Variants in KATNAL2 observed in about 807,000 individuals in gnomAD.
KATNAL2 encodes katanin catalytic subunit A1 like 2.
A neutral mutation model predicts 76.3 loss-of-function variants in KATNAL2; 52 were observed. The observed-to-expected ratio is 0.68, with a 90% CI of 0.55 to 0.86. The LOEUF (loss-of-function observed/expected upper bound fraction) is 0.86, where lower values mean the gene tolerates loss of function less well. Ranked by LOEUF, KATNAL2 falls within the 40% of genes least tolerant of loss-of-function variation. The probability of loss-of-function intolerance (pLI) is 0.00; values close to 1 mark genes in which losing one functional copy is unlikely to be tolerated. For synonymous variants in KATNAL2, 243 were observed against 244.2 expected (o/e 1.00, Z 0.05); for missense variants, 660 against 668.9 (o/e 0.99, Z 0.15).
chr18:47,032,534 A>G, intron 3 of KATNAL2: 1 of 204,210 alleles, frequency 4.9e-6, no homozygotes, highest in Non-Finnish European at 9.9e-6. Context: ...CGATTACAAG[A>G]TCATGCTCAG....
chr18:46,933,565 C>G (rs1199721773), intron 1 of KATNAL2, among the ~76,000 whole-genome samples: 1 of 152,110 alleles, frequency 6.6e-6, no homozygotes, highest in Admixed American at 6.5e-5. Flanking sequence ...AATTCATAGG[C>G]ACCAGGCATA....
At chr18:47,080,135 T>C (rs527341067) in intron 15 of KATNAL2, among the ~76,000 whole-genome samples, 12 of 152,330 alleles carry the variant, frequency 7.9e-5, no homozygotes, top group African/African-American at 1.7e-4. Flanking sequence ...CCCTGAAATA[T>C]AGTTCATACT....
intron 10 of KATNAL2, among the ~76,000 whole-genome samples, chr18:47,064,488 A>C (rs969239911): frequency 9.2e-5 from 14 of 151,946 alleles, no homozygotes; most frequent in Admixed American, 6.6e-5. Flanking sequence ...AGAAGAGGGG[A>C]CCTTAGAAAG....
intron 3 of KATNAL2, among the ~76,000 whole-genome samples, chr18:47,037,617 C>T (rs1451951282): frequency 6.6e-6 from 1 of 151,702 alleles, no homozygotes; most frequent in African/African-American, 2.4e-5. Context: ...CAACTTTATA[C>T]CTTTAATTAA....
chr18:47,069,931 G>A (rs1484894683), intron 13 of KATNAL2, among the ~76,000 whole-genome samples: 1 of 151,972 alleles, frequency 6.6e-6, no homozygotes, highest in Admixed American at 6.6e-5. Context: ...TATTTAACAT[G>A]TACACTATAT....
intron 3 of KATNAL2, among the ~76,000 whole-genome samples, chr18:46,950,572 A>C (rs1237934822): frequency 2.0e-5 from 3 of 152,214 alleles, no homozygotes; most frequent in Admixed American, 2.0e-4. Flanking sequence ...AGTTCAACAA[A>C]ATTTGAAAAA....
intron 3 of KATNAL2, among the ~76,000 whole-genome samples, chr18:47,042,228 G>A (rs1005407546): frequency 6.6e-6 from 1 of 152,086 alleles, no homozygotes. Context: ...ACTTCTGAGA[G>A]CCCTGACTTT....
intron 3 of KATNAL2, among the ~76,000 whole-genome samples, chr18:47,031,448 C>G (rs117292160): frequency 4.0e-5 from 6 of 150,076 alleles, no homozygotes; most frequent in Non-Finnish European, 8.9e-5. Flanking sequence ...GTGGTGGGGG[C>G]GGGGTGTGTT....
At chr18:47,046,979 G>A (rs1166788881) in intron 4 of KATNAL2, among the ~76,000 whole-genome samples, 1 of 151,756 alleles carries the variant, frequency 6.6e-6, no homozygotes, top group Non-Finnish European at 1.5e-5. Context: ...TCATTCTCTT[G>A]TCAAGGCTGG....
intron 3 of KATNAL2, among the ~76,000 whole-genome samples, chr18:46,955,467 G>A (rs916024794): frequency 2.0e-5 from 3 of 150,504 alleles, no homozygotes; most frequent in Non-Finnish European, 3.0e-5. Context: ...CAGGTGATCC[G>A]TCTGCCTTGG....
At chr18:47,081,589 A>G (rs2062524613) in intron 15 of KATNAL2, among the ~76,000 whole-genome samples, 2 of 152,200 alleles carry the variant, frequency 1.3e-5, no homozygotes, top group African/African-American at 4.8e-5. Context: ...ACAGATCCAG[A>G]GACTCATTTG....
intron 3 of KATNAL2, among the ~76,000 whole-genome samples, chr18:46,957,132 AC>A (rs1476311769): frequency 4.6e-5 from 7 of 151,356 alleles, no homozygotes; most frequent in African/African-American, 1.7e-4. Flanking sequence ...TGTCAACTTG[AC>A]TGTGCTTTGG....
chr18:46,958,318 T>C (rs2059825373), intron 3 of KATNAL2, among the ~76,000 whole-genome samples: 1 of 152,138 alleles, frequency 6.6e-6, no homozygotes, highest in Non-Finnish European at 1.5e-5. Flanking sequence ...CCTGTCAGCT[T>C]CTATAATCAC....
At chr18:47,035,170 T>C (rs1569057209) in intron 3 of KATNAL2, 2 of 1,612,244 alleles carry the variant, frequency 1.2e-6, no homozygotes, top group South Asian at 2.2e-5. Context: ...GGAGAGTTTC[T>C]GCAAATATTT....
chr18:47,040,015 A>G (rs1357873600), intron 3 of KATNAL2, among the ~76,000 whole-genome samples: 2 of 152,190 alleles, frequency 1.3e-5, no homozygotes, highest in South Asian at 2.1e-4. Context: ...GCCAATTCCC[A>G]TCTTTGCTTT....
chr18:47,085,470 G>T (rs900877255), intron 15 of KATNAL2, among the ~76,000 whole-genome samples: 1 of 152,162 alleles, frequency 6.6e-6, no homozygotes, highest in Non-Finnish European at 1.5e-5. Context: ...GATGAGAGGA[G>T]CCTGAAGTCG....
At chr18:46,959,156 C>T (rs945720714) in intron 3 of KATNAL2, among the ~76,000 whole-genome samples, 2 of 152,202 alleles carry the variant, frequency 1.3e-5, no homozygotes, top group African/African-American at 4.8e-5. Flanking sequence ...AACATTTAAG[C>T]ATCTATTGAA....
chr18:47,053,839 G>T (rs1247293860), intron 5 of KATNAL2, among the ~76,000 whole-genome samples: 4 of 152,176 alleles, frequency 2.6e-5, no homozygotes. Flanking sequence ...CTTGGCAGGT[G>T]GTTAGATGTG....
At chr18:47,064,946 A>G (rs1331920400) in intron 10 of KATNAL2, among the ~76,000 whole-genome samples, 2 of 152,148 alleles carry the variant, frequency 1.3e-5, no homozygotes, top group African/African-American at 2.4e-5. Context: ...GTCAAGAAAT[A>G]CTGCTGTTAT....
Sources: allele counts gnomAD v4.1 joint callset (sites outside exome capture counted in the v4.1 genomes callset), GRCh38; gene constraint gnomAD v4.1.1; transcripts MANE v1.5; gene names NCBI Gene and HGNC (gene_info 2026-07-23, HGNC 2026-07-21).